SPOP: variants seen among roughly 807,000 people sequenced by gnomAD.
SPOP encodes speckle-type POZ protein.
Under a neutral mutation model 45.6 loss-of-function variants are expected in SPOP, and 11 were observed. The ratio of observed to expected loss-of-function variants is 0.24; its 90% CI spans 0.15 to 0.40. The LOEUF is 0.40. Ranked by LOEUF, SPOP falls within the 10% of genes least tolerant of loss-of-function variation. The pLI is 1.00. For synonymous variants in SPOP, 166 were observed against 166.3 expected (o/e 1.00, Z 0.01); for missense variants, 152 against 465.6 (o/e 0.33, Z 6.20).
At chr17:49,627,101 G>A (rs1320892165) in intron 1 of SPOP, among the ~76,000 whole-genome samples, 1 of 152,074 alleles carries the variant, frequency 6.6e-6, no homozygotes, top group Non-Finnish European at 1.5e-5. Context: ...TGCCCACCTT[G>A]GCCTCCCAAA....
At chr17:49,639,745 A>C (rs1262397202) in intron 1 of SPOP, among the ~76,000 whole-genome samples, 5 of 152,204 alleles carry the variant, frequency 3.3e-5, no homozygotes, top group Non-Finnish European at 5.9e-5. Context: ...AAAGAAAAAT[A>C]AGGATATGAT....
intron 1 of SPOP, among the ~76,000 whole-genome samples, chr17:49,647,566 C>T (rs2072781396): frequency 6.6e-6 from 1 of 151,954 alleles, no homozygotes; most frequent in Non-Finnish European, 1.5e-5. Flanking sequence ...CTGCAACCTC[C>T]ACCTCCCAGG....
intron 1 of SPOP, among the ~76,000 whole-genome samples, chr17:49,623,383 C>T (rs2072260026): frequency 6.6e-6 from 1 of 152,162 alleles, no homozygotes; most frequent in Non-Finnish European, 1.5e-5. Context: ...AATTATATCA[C>T]CCTATACCTC....
intron 1 of SPOP, among the ~76,000 whole-genome samples, chr17:49,663,369 A>C (rs2073013628): frequency 6.6e-6 from 1 of 152,218 alleles, no homozygotes; most frequent in Non-Finnish European, 1.5e-5. Flanking sequence ...ACTGTCCTCC[A>C]CAAAACCAGT....
chr17:49,619,202 CTT>C lies in SPOP; in HGVS notation c.352+30_352+31del. ...GTGTATGAAACTTCTGGATGTGAAACTTAAGAGTTGAACAAAGAGGAGAACAT... is the reference window on the plus strand; with the variant it reads ...GTGTATGAAACTTCTGGATGTGAAACAAGAGTTGAACAAAGAGGAGAACAT... On this transcript the variant is annotated intron_variant, in intron 4 of 9. Transcript: ENST00000504102. This position sits in a 1 kb window ranked among gnomAD's most constrained non-coding sequence, Gnocchi z 4.9. The C allele has an allele frequency of 6.2e-7, 1 of 1,613,942 alleles. No homozygotes were observed. The highest frequency in any genetic ancestry group is 8.5e-7 in the Non-Finnish European group (1 of 1,179,956).
Position 49,630,261 on chromosome 17 carries a change from C to T in SPOP, c.-66-7385G>A, listed in dbSNP as rs2676797. Among the ~76,000 whole-genome samples the T allele has an allele frequency of 7.6e-3, 1,151 of 152,210 alleles. 19 individuals are homozygous for T. The highest frequency in any genetic ancestry group is 0.027 in the African/African-American group (1,108 of 41,524). ...GAGAAACTAATGTGACCAAAAGGAG[C>T]CTTTTGTTTTTTCTGTTACAGTGTG... On this transcript the variant is annotated intron_variant, in intron 1 of 9. Transcript: ENST00000504102.
chr17:49,640,095 C>T (rs1307736984), intron 1 of SPOP, among the ~76,000 whole-genome samples: 1 of 151,208 alleles, frequency 6.6e-6, no homozygotes, highest in Admixed American at 6.6e-5. Flanking sequence ...ACTAAAAATA[C>T]AAAAAAAATT....
intron 1 of SPOP, among the ~76,000 whole-genome samples, chr17:49,665,289 A>G (rs1007027517): frequency 6.6e-6 from 1 of 152,116 alleles, no homozygotes; most frequent in African/African-American, 2.4e-5. Flanking sequence ...TCATGTGAAT[A>G]TATTTTGGAC....
chr17:49,606,078 T>C (rs886987023), intron 8 of SPOP, among the ~76,000 whole-genome samples: 8 of 152,148 alleles, frequency 5.3e-5, no homozygotes, highest in African/African-American at 1.7e-4. Context: ...ATTAGCCCTA[T>C]ATTATCTATA....
chr17:49,649,338 A>G (rs2072807768), intron 1 of SPOP, among the ~76,000 whole-genome samples: 1 of 149,380 alleles, frequency 6.7e-6, no homozygotes, highest in Non-Finnish European at 1.5e-5. Flanking sequence ...GGAGTTTGAG[A>G]CCAGCCTGGC....
intron 1 of SPOP, among the ~76,000 whole-genome samples, chr17:49,665,487 C>A (rs888753589): frequency 2.0e-5 from 3 of 151,760 alleles, no homozygotes; most frequent in African/African-American, 7.3e-5. Context: ...TGGTGGCAGG[C>A]GCCTGTAGTC....
chr17:49,677,597 G>A (rs1007431715), intron 1 of SPOP, among the ~76,000 whole-genome samples: 3 of 152,012 alleles, frequency 2.0e-5, no homozygotes, highest in Admixed American at 6.5e-5. Context: ...GAAGCAGCCC[G>A]AGCGCGTTCA....
chr17:49,602,721 C>T (rs1168412058), intron 8 of SPOP, among the ~76,000 whole-genome samples: 1 of 152,176 alleles, frequency 6.6e-6, no homozygotes, highest in East Asian at 1.9e-4. Flanking sequence ...TTAAGCTTCT[C>T]AGGGTAAAAG....
chr17:49,631,063 G>A (rs1464735709), intron 1 of SPOP, among the ~76,000 whole-genome samples: 1 of 152,196 alleles, frequency 6.6e-6, no homozygotes. Flanking sequence ...TACAATCTCT[G>A]TGAAGGGCAA....
chr17:49,611,081 G>A (rs552441700), intron 6 of SPOP, among the ~76,000 whole-genome samples, 199 bp downstream of exon 6: 2 of 152,248 alleles, frequency 1.3e-5, no homozygotes, highest in South Asian at 4.1e-4. Flanking sequence ...CCACTACAGA[G>A]AGGAAAAACA....
chr17:49,618,485 G>C (rs2072138286), intron 5 of SPOP: 1 of 451,556 alleles, frequency 2.2e-6, no homozygotes, highest in Admixed American at 2.4e-5. Context: ...CTTCACCCTA[G>C]AAAAAAAATG....
chr17:49,655,036 A>G (rs551193502), intron 1 of SPOP, among the ~76,000 whole-genome samples: 2 of 152,274 alleles, frequency 1.3e-5, no homozygotes, highest in East Asian at 3.9e-4. Flanking sequence ...AAACTTGTAT[A>G]ATTTAGTGAA....
At chr17:49,662,821 C>G (rs986090210) in intron 1 of SPOP, among the ~76,000 whole-genome samples, 9 of 152,138 alleles carry the variant, frequency 5.9e-5, no homozygotes, top group South Asian at 2.1e-4. Flanking sequence ...ACTGCACTAA[C>G]GATCCGGTAA....
intron 8 of SPOP, among the ~76,000 whole-genome samples, chr17:49,603,170 T>C (rs998636054): frequency 2.6e-5 from 4 of 152,034 alleles, no homozygotes; most frequent in African/African-American, 9.7e-5. Flanking sequence ...TGTGATCTCC[T>C]GCAGCAAAAA....
Sources: gnomAD v4.1 joint callset for allele counts (sites outside exome capture counted in the v4.1 genomes callset) on GRCh38, gnomAD v4.1.1 for gene constraint, Gnocchi (gnomAD v3.1) non-coding constraint, MANE v1.5 for transcripts, NCBI Gene and HGNC (gene_info 2026-07-23, HGNC 2026-07-21) for gene names.